Variants in TANGO6 observed in about 807,000 individuals in gnomAD.
TANGO6 encodes the protein transport and golgi organization 6 homolog.
Under a neutral mutation model 114.2 loss-of-function variants are expected in TANGO6, and 90 were observed. The observed-to-expected ratio is 0.79, with a 90% confidence interval of 0.66 to 0.94. The LOEUF (loss-of-function observed/expected upper bound fraction) is 0.94, where lower values mean the gene tolerates loss of function less well. TANGO6 is among the 40% of genes least tolerant of loss of function. The probability of loss-of-function intolerance (pLI) is 0.00; values close to 1 mark genes in which losing one functional copy is unlikely to be tolerated. For missense variants in TANGO6, 1,274 were observed against 1,315.3 expected, an observed-to-expected ratio of 0.97 and a Z score of 0.49; for synonymous variants, 477 against 509.8, an observed-to-expected ratio of 0.94 and a Z score of 0.87.
chr16:69,044,491 A>G (rs2152235324), intron 17 of TANGO6, among the ~76,000 whole-genome samples: 1 of 152,190 alleles, frequency 6.6e-6, no homozygotes, highest in South Asian at 2.1e-4. Context: ...GATAAGTTCC[A>G]TTTGCTTGTT....
intron 14 of TANGO6, among the ~76,000 whole-genome samples, chr16:68,949,851 A>G (rs1597033355): frequency 1.3e-5 from 2 of 151,906 alleles, no homozygotes; most frequent in East Asian, 3.8e-4. Flanking sequence ...ATATATAGGC[A>G]TTATTTATAA....
chr16:68,927,788 G>A lies in TANGO6; in HGVS notation c.2348G>A (p.Ser783Asn). The A allele has an allele frequency of 6.2e-7, 1 of 1,614,006 alleles. No homozygotes were observed. Among genetic ancestry groups the A allele is most frequent in the Non-Finnish European group, 8.5e-7 (1 of 1,179,894 alleles). The change falls in exon 13 of 18, where the codon AGT (serine) becomes AAT (asparagine). Residue 783 changes from serine to asparagine, a missense_variant. Transcript: ENST00000261778. ...EGKIEEQQQT[S>N]HERPTDVAHS... ...AAAATAGAAGAGCAGCAACAAACCA[G>A]TCATGAAAGACCCACTGATGTAGCT...
At chr16:68,887,735 C>T (rs1348377170) in intron 7 of TANGO6, among the ~76,000 whole-genome samples, 1 of 151,918 alleles carries the variant, frequency 6.6e-6, no homozygotes, top group African/African-American at 2.4e-5. Flanking sequence ...AAAAATTAGC[C>T]GGGCGTGGTG....
chr16:69,081,069 C>T (rs768212866), intron 17 of TANGO6, among the ~76,000 whole-genome samples: 1 of 152,066 alleles, frequency 6.6e-6, no homozygotes, highest in South Asian at 2.1e-4. Context: ...ACCCAGGAGG[C>T]GGAGCTTGCA....
intron 15 of TANGO6, among the ~76,000 whole-genome samples, chr16:68,978,412 T>A (rs1235897684): frequency 2.0e-5 from 3 of 152,240 alleles, no homozygotes; most frequent in African/African-American, 7.2e-5. Flanking sequence ...CAAATTCCAC[T>A]AATTCTCAAA....
At chr16:69,030,133 A>G (rs984216004) in intron 16 of TANGO6, among the ~76,000 whole-genome samples, 1 of 151,352 alleles carries the variant, frequency 6.6e-6, no homozygotes, top group Non-Finnish European at 1.5e-5. Flanking sequence ...AAAAAGGGAA[A>G]TAAGAAGAAC....
chr16:68,954,432 C>G (rs974142970), intron 14 of TANGO6, among the ~76,000 whole-genome samples: 2 of 152,188 alleles, frequency 1.3e-5, no homozygotes, highest in Admixed American at 1.3e-4. Flanking sequence ...GCAACCCACT[C>G]TAACCAGATG....
At chr16:68,945,932 G>A (rs767481351) in intron 14 of TANGO6, among the ~76,000 whole-genome samples, 27 of 151,930 alleles carry the variant, frequency 1.8e-4, no homozygotes, top group African/African-American at 2.9e-4. Flanking sequence ...ATGATCCCCC[G>A]CCTTGGCCTC....
At chr16:69,021,396 A>G (rs1452105539) in intron 15 of TANGO6, among the ~76,000 whole-genome samples, 1 of 152,056 alleles carries the variant, frequency 6.6e-6, no homozygotes, top group Non-Finnish European at 1.5e-5. Flanking sequence ...AATGAAGCCT[A>G]CCTTTACCAC....
chr16:68,933,063 TGTG>T (rs1377637789), intron 14 of TANGO6, among the ~76,000 whole-genome samples: 2 of 152,182 alleles, frequency 1.3e-5, no homozygotes, highest in African/African-American at 4.8e-5. Flanking sequence ...TAGGTAATAA[TGTG>T]GTGATCTCTG....
chr16:69,038,757 C>T (rs1472942487), intron 16 of TANGO6, among the ~76,000 whole-genome samples: 1 of 152,018 alleles, frequency 6.6e-6, no homozygotes, highest in African/African-American at 2.4e-5. Flanking sequence ...AGTAATTGAG[C>T]GCTGGCCAGG....
chr16:68,861,504 C>T (rs771746118), intron 2 of TANGO6, among the ~76,000 whole-genome samples: 7 of 152,148 alleles, frequency 4.6e-5, no homozygotes, highest in Non-Finnish European at 7.3e-5. Flanking sequence ...GTCCTCCTTC[C>T]GGCAGGGTTA....
At chr16:68,992,629 G>T (rs1963954906) in intron 15 of TANGO6, among the ~76,000 whole-genome samples, 1 of 152,162 alleles carries the variant, frequency 6.6e-6, no homozygotes, top group South Asian at 2.1e-4. Context: ...CTACTCCAGA[G>T]AAAAATCCAA....
intron 17 of TANGO6, among the ~76,000 whole-genome samples, chr16:69,049,287 C>T (rs990803211): frequency 6.6e-6 from 1 of 151,958 alleles, no homozygotes; most frequent in Non-Finnish European, 1.5e-5. Flanking sequence ...CACTAATCTA[C>T]TTTCTCACTA....
Position 68,902,352 on chromosome 16 carries a change from A to G in TANGO6, c.1515A>G (p.Leu505=), listed in dbSNP as rs1463211546. 6.2e-7 allele frequency: 1 copy of G among 1,610,196 alleles called. No homozygotes were observed. Among genetic ancestry groups the G allele is most frequent in the African/African-American group, 1.3e-5 (1 of 74,682 alleles). The change falls in exon 9 of 18, where the codon TTA becomes TTG. Residue 505 remains leucine, a synonymous_variant. Coordinates refer to ENST00000261778, the MANE Select transcript of TANGO6 (RefSeq NM_024562.2). The part of the protein sequence containing the change: ...HIRSLCQEIL[L]WILGKLERKK... ...GGTCACTTTGCCAAGAAATCTTATT[A>G]TGGATTCTGGGGAAGCTGGAAAGGA...
At chr16:68,888,700 C>T (rs1275222991) in intron 7 of TANGO6, among the ~76,000 whole-genome samples, 1 of 152,096 alleles carries the variant, frequency 6.6e-6, no homozygotes, top group East Asian at 1.9e-4. Flanking sequence ...ATATTTGACT[C>T]CTCTTTCTGA....
chr16:68,973,978 C>T, intron 14 of TANGO6, 50 bp from the exon 15 acceptor site: 1 of 1,556,768 alleles, frequency 6.4e-7, no homozygotes, highest in Non-Finnish European at 8.7e-7. Context: ...GTTTATTTGC[C>T]TTTTGATCGT....
intron 14 of TANGO6, among the ~76,000 whole-genome samples, chr16:68,938,407 C>T (rs1218838745): frequency 6.6e-6 from 1 of 152,098 alleles, no homozygotes; most frequent in Non-Finnish European, 1.5e-5. Flanking sequence ...AGGTTTGTTT[C>T]AGTAGCTATT....
At chr16:68,997,504 A>T (rs1161799802) in intron 15 of TANGO6, among the ~76,000 whole-genome samples, 1 of 151,998 alleles carries the variant, frequency 6.6e-6, no homozygotes, top group Non-Finnish European at 1.5e-5. Context: ...TACTGGTGGG[A>T]GTTTCTTTTA....
Sources: allele counts gnomAD v4.1 joint callset (sites outside exome capture counted in the v4.1 genomes callset), GRCh38; gene constraint gnomAD v4.1.1; transcripts MANE v1.5; gene names NCBI Gene and HGNC (gene_info 2026-07-23, HGNC 2026-07-21).